The following USP39 variants were observed in gnomAD, a reference collection of about 807,000 sequenced individuals.
USP39 encodes ubiquitin specific peptidase 39.
In USP39, 38 loss-of-function variants were observed where a neutral mutation model predicts 66.4. That is an observed-to-expected ratio of 0.57 (90% CI 0.44 to 0.75). The LOEUF (loss-of-function observed/expected upper bound fraction) is 0.75. Among genes scored for constraint, USP39 ranks in the 30% least tolerant of loss-of-function variants. The probability of loss-of-function intolerance (pLI) is 0.00; values close to 1 mark genes in which losing one functional copy is unlikely to be tolerated. For synonymous variants in USP39, 303 were observed against 274.6 expected (o/e 1.10, Z -1.02); for missense variants, 608 against 714.4 (o/e 0.85, Z 1.70).
chr2:85,612,271 T>C, upstream of USP39: 2 of 1,512,006 alleles, frequency 1.3e-6, no homozygotes, highest in Non-Finnish European at 1.8e-6. Context: ...GGACTTCGGC[T>C]TACAGCTGAT....
intron 1 of USP39, among the ~76,000 whole-genome samples, chr2:85,605,069 C>A (rs1165868094): frequency 2.0e-5 from 3 of 152,024 alleles, no homozygotes; most frequent in Non-Finnish European, 4.4e-5. Context: ...AAAGACCTTC[C>A]AACTCTAATG....
At chr2:85,609,347 G>T, upstream of USP39, 1 of 1,525,826 alleles carries the variant, frequency 6.6e-7, no homozygotes, top group Non-Finnish European at 8.9e-7. Context: ...CCCATTGGGG[G>T]TCCTGAGGAA....
rs1674632003 is a variant in USP39 at position 85,623,649 on chromosome 2, G to A, written c.437G>A (p.Arg146Gln). 2.5e-6 allele frequency: 4 copies of A among 1,612,122 alleles called. No individual in the cohort carries two copies. Among genetic ancestry groups the A allele is most frequent in the Admixed American group, 1.7e-5 (1 of 59,680 alleles). ...AGCTTTTCACCCTTCCCTACAGGCCGGGGTTTGAAGTCTCACGCCTACATT... is the reference window on the plus strand; with the variant it reads ...AGCTTTTCACCCTTCCCTACAGGCCAGGGTTTGAAGTCTCACGCCTACATT... ...CLVCGKYFQG[R>Q]GLKSHAYIHS... is the part of the protein sequence containing the mutation. The change falls in exon 4 of 13, where the codon CGG becomes CAG. Residue 146 changes from arginine to glutamine, a missense_variant. Arg to Gln is a conservative substitution (Grantham distance 43). Transcript: ENST00000323701.
At chr2:85,640,472 A>G (rs1676142847) in intron 9 of USP39, among the ~76,000 whole-genome samples, 1 of 151,028 alleles carries the variant, frequency 6.6e-6, no homozygotes, top group Non-Finnish European at 1.5e-5. Flanking sequence ...TATTTTTAGT[A>G]GAGATGCGGT....
chr2:85,620,460 C>T (rs1279892443), intron 2 of USP39, among the ~76,000 whole-genome samples: 1 of 149,444 alleles, frequency 6.7e-6, no homozygotes, highest in Non-Finnish European at 1.5e-5. Context: ...GCCTGGATGA[C>T]AAAGTGAGAC....
chr2:85,606,731 T>TAA (rs1327179459), intron 1 of USP39: 1 of 151,842 alleles, frequency 6.6e-6, no homozygotes, highest in Admixed American at 6.6e-5. Context: ...AACAAACACT[T>TAA]AAAAGGATAC....
Position 85,630,717 on chromosome 2 carries a change from T to G in USP39, c.724-4T>G, listed in dbSNP as rs1675252943. ...TTGGGTTAATCGGAGTGTTTGATTT[T>G]TAGGCTCTATCTAATGTTCCTCCTC... On this transcript the variant is annotated splice_polypyrimidine_tract_variant and splice_region_variant and intron_variant, in intron 5 of 12. Coordinates refer to ENST00000323701, the MANE Select transcript of USP39 (RefSeq NM_006590.4). 6.2e-6 allele frequency: 10 copies of G among 1,613,878 alleles called. No individual in the cohort carries two copies. The highest frequency in any genetic ancestry group is 7.6e-6 in the Non-Finnish European group (9 of 1,179,878).
At chr2:85,640,201 C>T (rs910148246) in intron 9 of USP39, among the ~76,000 whole-genome samples, 1 of 151,976 alleles carries the variant, frequency 6.6e-6, no homozygotes, top group African/African-American at 2.4e-5. Context: ...CTCATATATC[C>T]TGTTTTCAGC....
At chr2:85,627,448 G>A (rs192594795) in intron 5 of USP39, among the ~76,000 whole-genome samples, 1 of 151,582 alleles carries the variant, frequency 6.6e-6, no homozygotes, top group Non-Finnish European at 1.5e-5. Context: ...ACTTCACCAA[G>A]AAAATGATTA....
In USP39 at chr2:85,645,047, C is replaced by T. The variant is rs1558875333; in HGVS notation, c.1527C>T (p.Pro509=). 3.1e-6 allele frequency: 5 copies of T among 1,614,160 alleles called. No homozygotes were observed. Among genetic ancestry groups the T allele is most frequent in the South Asian group, 2.2e-5 (2 of 91,084 alleles). Residue 509 remains proline, a synonymous_variant, in exon 11 of 13, where the codon CCC becomes CCT. Transcript: ENST00000323701. The part of the protein sequence containing the change: ...LIANIVHDGK[P]SEGSYRIHVL... ...CCAACATCGTGCATGACGGCAAGCCCTCCGAGGGCTCCTACCGGATCCACG... is the reference window on the plus strand; with the variant it reads ...CCAACATCGTGCATGACGGCAAGCCTTCCGAGGGCTCCTACCGGATCCACG...
At chr2:85,639,175 C>T (rs1268694000) in intron 8 of USP39, 28 bp from the exon 9 acceptor site, 1 of 1,598,610 alleles carries the variant, frequency 6.3e-7, no homozygotes, top group Non-Finnish European at 8.5e-7. Flanking sequence ...ACACTCCTTT[C>T]CTCTCTTTTC....
intron 1 of USP39, 89 bp downstream of exon 1, chr2:85,616,552 C>T (rs1474440355): frequency 1.8e-5 from 15 of 817,394 alleles, no homozygotes; most frequent in Non-Finnish European, 2.3e-5. Flanking sequence ...GGTCACTGCG[C>T]CGGAGTTGGG....
intron 11 of USP39, 194 bp downstream of exon 11, chr2:85,645,277 C>CTTTT (rs61391085): frequency 7.6e-5 from 28 of 367,716 alleles, no homozygotes; most frequent in African/African-American, 5.6e-4. Flanking sequence ...ACCTTGGGAG[C>CTTTT]TTTTTTTTTT....
At chr2:85,632,669 C>T (rs374789167) in intron 6 of USP39, among the ~76,000 whole-genome samples, 4 of 151,968 alleles carry the variant, frequency 2.6e-5, no homozygotes, top group South Asian at 2.1e-4. Flanking sequence ...AGGCAGGTCT[C>T]GAGCTCCTGA....
At chr2:85,627,227 G>C (rs1400880521) in intron 5 of USP39, among the ~76,000 whole-genome samples, 1 of 151,540 alleles carries the variant, frequency 6.6e-6, no homozygotes, top group Admixed American at 6.6e-5. Flanking sequence ...CTCCTGAGTA[G>C]CTGGGATTAC....
In USP39 at chr2:85,647,955, A is replaced by G; in HGVS notation, c.1589A>G (p.Gln530Arg). The change falls in exon 12 of 13, where the codon CAA (glutamine) becomes CGA (arginine). Residue 530 changes from glutamine to arginine, a missense_variant. Gln to Arg is a conservative substitution (Grantham distance 43). Transcript: ENST00000323701. ...GGGACAGGCAAATGGTATGAATTAC[A>G]AGACCTCCAGGTGACTGACATCCTT... Reference protein sequence around the residue: ...HHGTGKWYELQDLQVTDILPQ... With the variant: ...HHGTGKWYELRDLQVTDILPQ... 1.2e-6 allele frequency: 2 copies of G among 1,614,150 alleles called. No homozygotes were observed. Among genetic ancestry groups the G allele is most frequent in the Non-Finnish European group, 1.7e-6 (2 of 1,180,020 alleles).
chr2:85,634,080 G>A (rs1051885540), intron 6 of USP39, among the ~76,000 whole-genome samples: 36 of 150,318 alleles, frequency 2.4e-4, no homozygotes, highest in African/African-American at 7.3e-4. Flanking sequence ...CTCGTGATCC[G>A]TCCGCCTCGG....
In USP39 at chr2:85,641,138, A is replaced by G. The variant is rs372810232; in HGVS notation, c.1427+20A>G. Reference sequence around the variant, plus strand: ...TATTACGTAAGTAACATCCTGCCTCACTTCTCTCACGGGGAGTGAACCTGG... The same window carrying G: ...TATTACGTAAGTAACATCCTGCCTCGCTTCTCTCACGGGGAGTGAACCTGG... On this transcript the variant is annotated intron_variant, in intron 10 of 12. Transcript: ENST00000323701. The G allele has an allele frequency of 4.3e-6, 7 of 1,611,116 alleles. No individual in the cohort carries two copies. The African/African-American group carries it at 6.7e-5, about 15-fold the overall frequency.
intron 10 of USP39, among the ~76,000 whole-genome samples, chr2:85,641,695 A>G (rs971328479): frequency 6.6e-6 from 1 of 152,120 alleles, no homozygotes; most frequent in Non-Finnish European, 1.5e-5. Context: ...TGAGCTCAGG[A>G]GTTCAAGACC....
Sources: gnomAD v4.1 joint callset for allele counts (sites outside exome capture counted in the v4.1 genomes callset) on GRCh38, gnomAD v4.1.1 for gene constraint, MANE v1.5 for transcripts, NCBI Gene and HGNC (gene_info 2026-07-23, HGNC 2026-07-21) for gene names.